The following DLC1 variants were observed in gnomAD, a reference collection of about 807,000 sequenced individuals.
DLC1 encodes the protein DLC1 Rho GTPase activating protein.
In DLC1, 54 loss-of-function variants were observed where a neutral mutation model predicts 140.3. That is an observed-to-expected ratio of 0.38 (90% CI 0.31 to 0.48). The LOEUF (loss-of-function observed/expected upper bound fraction) is 0.48, where lower values mean the gene tolerates loss of function less well. Among genes scored for constraint, DLC1 ranks in the 20% least tolerant of loss-of-function variants. The pLI is 0.96. For synonymous variants in DLC1, 986 were observed against 728.1 expected, an observed-to-expected ratio of 1.35 and a Z score of -5.70; for missense variants, 2,536 against 1,907.0, an observed-to-expected ratio of 1.33 and a Z score of -6.14.
intron 4 of DLC1, among the ~76,000 whole-genome samples, chr8:13,353,825 C>T (rs934483773): frequency 6.6e-6 from 1 of 151,674 alleles, no homozygotes. Context: ...CCACTGCACT[C>T]CAGCCTGGGG....
intron 2 of DLC1, among the ~76,000 whole-genome samples, chr8:13,490,713 C>G (rs139327976): frequency 6.6e-6 from 1 of 152,086 alleles, no homozygotes; most frequent in Non-Finnish European, 1.5e-5. Context: ...ACGATGGCCT[C>G]CAATGCACAA....
chr8:13,092,876 T>C, intron 12 of DLC1, 51 bp from the exon 13 acceptor site: 1 of 1,568,200 alleles, frequency 6.4e-7, no homozygotes, highest in Non-Finnish European at 8.7e-7. Flanking sequence ...TGCATGGACA[T>C]TGCAAGGAAA....
chr8:13,118,004 CTT>C (rs35775672), intron 5 of DLC1, among the ~76,000 whole-genome samples: 8 of 114,964 alleles, frequency 7.0e-5, no homozygotes, highest in African/African-American at 2.4e-4. Flanking sequence ...TGTTCTCTTT[CTT>C]TTTTTTTTTT....
intron 1 of DLC1, among the ~76,000 whole-genome samples, chr8:13,579,714 G>C (rs1805013244): frequency 6.8e-6 from 1 of 147,562 alleles, no homozygotes; most frequent in Non-Finnish European, 1.5e-5. Flanking sequence ...CACAATATTA[G>C]AGATTATTTT....
chr8:13,584,393 C>G (rs551871803), intron 1 of DLC1: 9 of 153,022 alleles, frequency 5.9e-5, no homozygotes, highest in African/African-American at 2.2e-4. Context: ...CAGTGGGAAG[C>G]CCAGATTGGT....
At chr8:13,211,386 CTCTG>C (rs1827935362) in intron 5 of DLC1, among the ~76,000 whole-genome samples, 2 of 152,046 alleles carry the variant, frequency 1.3e-5, no homozygotes. Flanking sequence ...GGTAGCCCTG[CTCTG>C]TCTATGGAAC....
chr8:13,280,553 A>G lies in DLC1; in HGVS notation c.1348+24716T>C, dbSNP rs146425840. On this transcript the variant is annotated intron_variant, in intron 5 of 17. Coordinates refer to ENST00000276297, the MANE Select transcript of DLC1 (RefSeq NM_182643.3). Reference sequence around the variant, plus strand: ...TGCTTTGGTAATGTATTATTGATTTAATGTAATTTTGTCTGATTTATACAT... The same window carrying G: ...TGCTTTGGTAATGTATTATTGATTTGATGTAATTTTGTCTGATTTATACAT... 6.8e-3 allele frequency among the ~76,000 whole-genome samples: 1,041 copies of G among 152,194 alleles called. 14 individuals carry two copies. Among genetic ancestry groups the G allele is most frequent in the African/African-American group, 0.024 (989 of 41,522 alleles).
chr8:13,336,835 G>T (rs577469882), intron 4 of DLC1, among the ~76,000 whole-genome samples: 1 of 152,208 alleles, frequency 6.6e-6, no homozygotes, highest in South Asian at 2.1e-4. Flanking sequence ...TTATTGCTAT[G>T]TGACATTGAT....
At chr8:13,169,003 G>A (rs1279125937) in intron 5 of DLC1, among the ~76,000 whole-genome samples, 1 of 152,152 alleles carries the variant, frequency 6.6e-6, no homozygotes, top group Non-Finnish European at 1.5e-5. Flanking sequence ...ATGGGTATAG[G>A]AAATATGATT....
intron 2 of DLC1, among the ~76,000 whole-genome samples, chr8:13,468,622 A>T (rs1290827686): frequency 6.6e-6 from 1 of 151,178 alleles, no homozygotes; most frequent in East Asian, 2.0e-4. Flanking sequence ...CACTCCTCCC[A>T]CCTCAGCCTC....
chr8:13,489,081 G>T (rs1430677851), intron 2 of DLC1, among the ~76,000 whole-genome samples: 1 of 152,086 alleles, frequency 6.6e-6, no homozygotes, highest in Non-Finnish European at 1.5e-5. Flanking sequence ...CCGAGCAGCT[G>T]GGATTACAGG....
chr8:13,176,345 G>A (rs1321863086), intron 5 of DLC1, among the ~76,000 whole-genome samples: 5 of 152,136 alleles, frequency 3.3e-5, no homozygotes, highest in Admixed American at 6.5e-5. Context: ...TTGGGAGGCC[G>A]AGGTGGGTGG....
At chr8:13,415,281 T>A (rs1838001720) in intron 2 of DLC1, among the ~76,000 whole-genome samples, 1 of 152,208 alleles carries the variant, frequency 6.6e-6, no homozygotes, top group South Asian at 2.1e-4. Context: ...CATTTTGAAA[T>A]TTAAAAATAT....
chr8:13,539,747 T>G, intron 1 of DLC1, among the ~76,000 whole-genome samples: 1 of 126,038 alleles, frequency 7.9e-6, no homozygotes, highest in Non-Finnish European at 1.7e-5. Context: ...GAAATGTGTG[T>G]GTATGTGTGT....
intron 2 of DLC1, among the ~76,000 whole-genome samples, chr8:13,445,115 C>G (rs1798716505): frequency 6.6e-6 from 1 of 151,548 alleles, no homozygotes; most frequent in South Asian, 2.1e-4. Context: ...AAGTGTGTGA[C>G]AAAGAGGGCG....
chr8:13,369,495 T>C (rs1183562183), intron 4 of DLC1, among the ~76,000 whole-genome samples: 1 of 152,122 alleles, frequency 6.6e-6, no homozygotes, highest in Non-Finnish European at 1.5e-5. Flanking sequence ...CAGTACTCTC[T>C]CCTAATTTTT....
intron 5 of DLC1, among the ~76,000 whole-genome samples, chr8:13,169,227 T>C (rs923219727): frequency 1.1e-4 from 16 of 152,250 alleles, no homozygotes; most frequent in African/African-American, 3.9e-4. Flanking sequence ...GAATCAACTA[T>C]GTTCAGTGAA....
At chr8:13,455,713 T>C (rs951525140) in intron 2 of DLC1, among the ~76,000 whole-genome samples, 2 of 152,164 alleles carry the variant, frequency 1.3e-5, no homozygotes, top group East Asian at 1.9e-4. Context: ...TCAAGTTGCA[T>C]CTTATAAAAA....
chr8:13,345,027 G>C (rs1834261714), intron 4 of DLC1, among the ~76,000 whole-genome samples: 1 of 152,136 alleles, frequency 6.6e-6, no homozygotes, highest in Non-Finnish European at 1.5e-5. Flanking sequence ...TATAATTCCA[G>C]GATAGTGAAG....
Sources: allele counts gnomAD v4.1 joint callset (sites outside exome capture counted in the v4.1 genomes callset), GRCh38; gene constraint gnomAD v4.1.1; transcripts MANE v1.5; gene names NCBI Gene and HGNC (gene_info 2026-07-23, HGNC 2026-07-21).